Variants in UROC1 observed in about 807,000 individuals in gnomAD.
The protein encoded by UROC1 is urocanate hydratase.
Under a neutral mutation model 89.5 loss-of-function variants are expected in UROC1, and 79 were observed. That is an observed-to-expected ratio of 0.88 (90% CI 0.74 to 1.06). The LOEUF (loss-of-function observed/expected upper bound fraction) is 1.06. Among genes scored for constraint, UROC1 ranks in the 50% least tolerant of loss-of-function variants. The probability of loss-of-function intolerance (pLI) is 0.00; values close to 1 mark genes in which losing one functional copy is unlikely to be tolerated. For missense variants in UROC1, 885 were observed against 907.8 expected (o/e 0.97, Z 0.32); for synonymous variants, 361 against 354.8 (o/e 1.02, Z -0.20).
At chr3:126,514,847 G>A (rs774634431) in intron 1 of UROC1, among the ~76,000 whole-genome samples, 5 of 151,866 alleles carry the variant, frequency 3.3e-5, no homozygotes, top group Non-Finnish European at 7.4e-5. Flanking sequence ...GCTTACAAAT[G>A]CCAAAAAATA....
At chr3:126,486,379 C>G (rs1465038435) in intron 18 of UROC1, among the ~76,000 whole-genome samples, 1 of 152,244 alleles carries the variant, frequency 6.6e-6, no homozygotes, top group East Asian at 1.9e-4. Flanking sequence ...GAGCCTGGCT[C>G]TTGTCTTGAT....
At chr3:126,493,006 T>G (rs1247912151) in intron 15 of UROC1, among the ~76,000 whole-genome samples, 1 of 152,140 alleles carries the variant, frequency 6.6e-6, no homozygotes, top group Non-Finnish European at 1.5e-5. Context: ...ATTTTCCAGA[T>G]GAGGAAATGG....
At chr3:126,500,179 C>A in intron 11 of UROC1, 25 bp from the exon 12 acceptor site, 1 of 1,611,680 alleles carries the variant, frequency 6.2e-7, no homozygotes, top group South Asian at 1.1e-5. Context: ...GGGTCAGCAC[C>A]ACCGCTGTGA....
Position 126,489,433 on chromosome 3 carries a change from A to G in UROC1, c.1609-58T>C, listed in dbSNP as rs1293133553. On this transcript the variant is annotated intron_variant, in intron 16 of 19. Coordinates refer to ENST00000290868, the MANE Select transcript of UROC1 (RefSeq NM_144639.3). ...CAGTGTCCACCATGGCTTCCTGGTA[A>G]AGACTGAGGACAAGGGGCAGGTCAC... 2.8e-6 allele frequency: 4 copies of G among 1,429,830 alleles called. No individual in the cohort carries two copies. In the African/African-American group the frequency reaches 5.6e-5, roughly 20 times the overall value. The allele number at this position is 1,429,830 out of a possible 1,614,324, so 88.6% of individuals were successfully genotyped here.
intron 15 of UROC1, among the ~76,000 whole-genome samples, chr3:126,495,683 G>A (rs1372485027): frequency 6.6e-6 from 1 of 152,208 alleles, no homozygotes; most frequent in Non-Finnish European, 1.5e-5. Flanking sequence ...GAATTGCTGG[G>A]TCATAGGGTA....
rs533735994 is a variant in UROC1 at position 126,510,717 on chromosome 3, C to A, written c.204G>T (p.Leu68=). 2.6e-4 allele frequency: 413 copies of A among 1,614,206 alleles called. 4 individuals carry two copies. The South Asian group carries it at 4.2e-3, about 16-fold the overall frequency. ...ACATGTAGATGTGTCCGTACAGTTG[C>A]AGCTCCTGGGCAAACTCTGGGGCCA... is the stretch of plus-strand genomic sequence containing the variant. The part of the protein sequence containing the change: ...ELLAPEFAQE[L]QLYGHIYMYR... Residue 68 remains leucine (L), a synonymous_variant, in exon 2 of 20, where the codon CTG becomes CTT. Coordinates refer to ENST00000290868, the MANE Select transcript of UROC1 (RefSeq NM_144639.3).
intron 18 of UROC1, among the ~76,000 whole-genome samples, chr3:126,486,375 G>A (rs1935515724): frequency 6.6e-6 from 1 of 152,240 alleles, no homozygotes. Context: ...ACAAGAGCCT[G>A]GCTCTTGTCT....
At chr3:126,498,953 A>G (rs984394912) in intron 13 of UROC1, among the ~76,000 whole-genome samples, 1 of 151,948 alleles carries the variant, frequency 6.6e-6, no homozygotes, top group African/African-American at 2.4e-5. Flanking sequence ...ATGGCCAGAG[A>G]GGCCCACGAC....
At chr3:126,499,529 G>T in intron 12 of UROC1, 120 bp from the exon 13 acceptor site, 1 of 1,033,334 alleles carries the variant, frequency 9.7e-7, no homozygotes, top group Non-Finnish European at 1.5e-6. Flanking sequence ...TCTTTTTCAT[G>T]TAAAAGAAGA....
At chr3:126,495,608 C>T (rs1297598233) in intron 15 of UROC1, among the ~76,000 whole-genome samples, 1 of 152,236 alleles carries the variant, frequency 6.6e-6, no homozygotes, top group Non-Finnish European at 1.5e-5. Context: ...CTGCTGTGAA[C>T]ATGGGCGTGC....
chr3:126,501,108 T>G, intron 10 of UROC1, 110 bp downstream of exon 10: 1 of 1,311,400 alleles, frequency 7.6e-7, no homozygotes, highest in Non-Finnish European at 1.1e-6. Context: ...GGCGCTGAAC[T>G]GGGGCTCAAA....
intron 14 of UROC1, among the ~76,000 whole-genome samples, chr3:126,497,839 G>A (rs931652090): frequency 2.0e-5 from 3 of 152,236 alleles, no homozygotes; most frequent in Non-Finnish European, 4.4e-5. Context: ...GGCTGAGAAC[G>A]ACACTTGGGG....
Position 126,505,802 on chromosome 3 carries a change from C to A in UROC1, c.712G>T (p.Asp238Tyr), listed in dbSNP as rs558256936. The change falls in exon 8 of 20, where the codon GAC becomes TAC. Residue 238 changes from aspartate to tyrosine, a missense_variant. By Grantham distance (160) the Asp-to-Tyr change is radical. Transcript: ENST00000290868. ...NAARRYLGIE[D>Y]LAGKVFVTSG... The stretch of plus-strand genomic sequence containing the variant: ...GTGACAAAGACCTTCCCAGCCAAGT[C>A]CTCGATGCCCAGGTACCGACGTGCA... The A allele has an allele frequency of 1.9e-6, 3 of 1,613,934 alleles. No individual in the cohort carries two copies. Among genetic ancestry groups the A allele is most frequent in the Middle Eastern group, 1.6e-4 (1 of 6,062 alleles).
intron 18 of UROC1, among the ~76,000 whole-genome samples, chr3:126,483,847 C>T (rs781222343): frequency 1.3e-5 from 2 of 152,194 alleles, no homozygotes; most frequent in Admixed American, 6.5e-5. Flanking sequence ...TCTTGTATTA[C>T]TCAATTCAGT....
chr3:126,517,770 G>A lies in UROC1; in HGVS notation c.-51C>T. 1 of 1,549,536 alleles carries A rather than the reference G, an allele frequency of 6.5e-7. No homozygotes were observed. Among genetic ancestry groups the A allele is most frequent in the Middle Eastern group, 2.1e-4 (1 of 4,770 alleles). On this transcript the variant is annotated 5_prime_UTR_variant, in exon 1 of 20. Transcript: ENST00000290868. ...CAGCACTGTGGGGAGGCCAGGAAGA[G>A]ACTGGGCAGATAGGGCAGGGACCTC... is the stretch of plus-strand genomic sequence containing the variant.
intron 19 of UROC1, 111 bp from the exon 20 acceptor site, chr3:126,482,596 TG>T (rs1279520967): frequency 1.3e-6 from 2 of 1,500,810 alleles, no homozygotes; most frequent in Non-Finnish European, 9.2e-7. Flanking sequence ...AGGCTGTCCG[TG>T]GGGACAGCTG....
chr3:126,507,028 G>A (rs535957572), intron 6 of UROC1, among the ~76,000 whole-genome samples: 4 of 151,698 alleles, frequency 2.6e-5, no homozygotes, highest in South Asian at 2.1e-4. Flanking sequence ...GCAGTGAGCC[G>A]AGATCACACC....
At chr3:126,494,895 C>T (rs887733766) in intron 15 of UROC1, among the ~76,000 whole-genome samples, 2 of 148,842 alleles carry the variant, frequency 1.3e-5, no homozygotes, top group East Asian at 2.1e-4. Flanking sequence ...CATCTGTTAG[C>T]TCAGCCTCAC....
intron 6 of UROC1, among the ~76,000 whole-genome samples, chr3:126,506,359 T>C (rs1415553923): frequency 6.6e-6 from 1 of 152,072 alleles, no homozygotes; most frequent in Non-Finnish European, 1.5e-5. Flanking sequence ...CACACAAGGA[T>C]GTTCACCGCA....
Sources: allele counts gnomAD v4.1 joint callset (sites outside exome capture counted in the v4.1 genomes callset), GRCh38; gene constraint gnomAD v4.1.1; transcripts MANE v1.5; gene names NCBI Gene and HGNC (gene_info 2026-07-23, HGNC 2026-07-21).